Variants in FBXO4 observed in about 807,000 individuals in gnomAD.
The protein encoded by FBXO4 is F-box only protein 4.
A neutral mutation model predicts 43.7 loss-of-function variants in FBXO4; 36 were observed. The observed-to-expected ratio is 0.82, with a 90% CI of 0.63 to 1.09. The LOEUF is 1.09. Among genes scored for constraint, FBXO4 ranks in the 50% least tolerant of loss-of-function variants. The pLI is 0.00. For synonymous variants in FBXO4, 180 were observed against 165.6 expected (o/e 1.09, Z -0.67); for missense variants, 435 against 474.1 (o/e 0.92, Z 0.77).
the FBXO4 span, among the ~76,000 whole-genome samples, chr5:41,992,301 A>AT: frequency 6.6e-6 from 1 of 152,188 alleles, no homozygotes; most frequent in Non-Finnish European, 1.5e-5. Context: ...GTCTTTGTTT[A>AT]TTTGAGGTAC....
the FBXO4 span, among the ~76,000 whole-genome samples, chr5:41,986,114 T>A: frequency 6.6e-6 from 1 of 152,114 alleles, no homozygotes; most frequent in African/African-American, 2.4e-5. Flanking sequence ...AAAAAATAAA[T>A]TTAGAAAGTA....
At chr5:41,985,154 G>A in the FBXO4 span, among the ~76,000 whole-genome samples, 16 of 152,076 alleles carry the variant, frequency 1.1e-4, no homozygotes, top group African/African-American at 2.7e-4. Flanking sequence ...TTTTTCTATC[G>A]TCAAATCAGA....
rs145942085 is a variant in FBXO4, at chr5:41,934,693, C to T, written c.898+385C>T. 30 of 1,067,584 alleles carry T rather than the reference C, an allele frequency of 2.8e-5. No homozygotes were observed. In the East Asian group the frequency reaches 2.1e-3, roughly 76 times the overall value. The allele number at this position is 1,067,584 out of a possible 1,614,324, so 66.1% of individuals were successfully genotyped here. On this transcript the variant is annotated intron_variant, in intron 5 of 6. Coordinates refer to ENST00000281623, the MANE Select transcript of FBXO4 (RefSeq NM_012176.3). ...TTTGATACTGACATTTTGTCTGCTT[C>T]TGGCTTTATTCAAATAATCTATGCA...
chr5:41,988,464 A>G, the FBXO4 span, among the ~76,000 whole-genome samples: 1 of 152,262 alleles, frequency 6.6e-6, no homozygotes, highest in South Asian at 2.1e-4. Flanking sequence ...TCACTGTGAG[A>G]ACATGGTAGA....
downstream of FBXO4, among the ~76,000 whole-genome samples, chr5:41,945,828 G>A (rs1388711590): frequency 6.6e-6 from 1 of 152,100 alleles, no homozygotes; most frequent in African/African-American, 2.4e-5. Flanking sequence ...CACAACCTAT[G>A]GATTGTTTGT....
At chr5:41,934,739 T>C (rs1751805970) in intron 5 of FBXO4, 2 of 1,025,652 alleles carry the variant, frequency 1.9e-6, no homozygotes, top group African/African-American at 3.4e-5. Flanking sequence ...AAAAATTTTA[T>C]CTTTGTTTTA....
the FBXO4 span, among the ~76,000 whole-genome samples, chr5:42,008,138 A>C: frequency 6.6e-6 from 1 of 152,200 alleles, no homozygotes; most frequent in Non-Finnish European, 1.5e-5. Context: ...ACTGGGTAAC[A>C]TGCCAATAAT....
chr5:41,957,831 C>T, the FBXO4 span, among the ~76,000 whole-genome samples: 1 of 151,924 alleles, frequency 6.6e-6, no homozygotes, highest in Non-Finnish European at 1.5e-5. Flanking sequence ...TATAATAGAA[C>T]AATACACTGA....
At chr5:42,030,197 C>G in the FBXO4 span, among the ~76,000 whole-genome samples, 1 of 152,134 alleles carries the variant, frequency 6.6e-6, no homozygotes, top group East Asian at 1.9e-4. Flanking sequence ...TGCTACCTGA[C>G]TTCAAACTAT....
intron 5 of FBXO4, 80 bp from the exon 6 acceptor site, chr5:41,939,361 G>A (rs540032463): frequency 1.7e-5 from 22 of 1,319,184 alleles, no homozygotes; most frequent in African/African-American, 1.0e-4. Flanking sequence ...TTGTTCCCTC[G>A]CTTTGTTAGT....
chr5:42,000,014 C>T, the FBXO4 span, among the ~76,000 whole-genome samples: 1,677 of 152,202 alleles, frequency 0.011, 28 homozygotes, highest in African/African-American at 0.033. Context: ...CATCATTATA[C>T]TCTCTGCTTT....
the FBXO4 span, among the ~76,000 whole-genome samples, chr5:42,033,582 C>T: frequency 6.0e-4 from 92 of 152,178 alleles, 1 homozygote; most frequent in Non-Finnish European, 3.2e-4. Context: ...TTGTGTTGTT[C>T]CCCTTCCTGT....
chr5:41,955,810 A>C, the FBXO4 span, among the ~76,000 whole-genome samples: 2 of 152,152 alleles, frequency 1.3e-5, no homozygotes, highest in Non-Finnish European at 2.9e-5. Flanking sequence ...AAAGGAAATA[A>C]TACCTGGGGC....
the FBXO4 span, among the ~76,000 whole-genome samples, chr5:42,026,761 T>A: frequency 4.0e-5 from 6 of 151,872 alleles, no homozygotes; most frequent in Non-Finnish European, 7.4e-5. Flanking sequence ...TATAAAAGGA[T>A]GTTGAATTGT....
chr5:41,948,407 T>C, the FBXO4 span, among the ~76,000 whole-genome samples: 1 of 152,170 alleles, frequency 6.6e-6, no homozygotes, highest in Non-Finnish European at 1.5e-5. Context: ...AGTACTGGGA[T>C]TACAGGTGTG....
chr5:42,031,591 C>A, the FBXO4 span, among the ~76,000 whole-genome samples: 1 of 151,530 alleles, frequency 6.6e-6, no homozygotes, highest in Non-Finnish European at 1.5e-5. Context: ...CACATGTACC[C>A]TAAAACTTAA....
chr5:42,024,470 T>A, the FBXO4 span, among the ~76,000 whole-genome samples: 1 of 152,012 alleles, frequency 6.6e-6, no homozygotes, highest in Non-Finnish European at 1.5e-5. Flanking sequence ...GTACATGAGA[T>A]GTTTTGATAC....
the FBXO4 span, among the ~76,000 whole-genome samples, chr5:41,959,107 T>C: frequency 6.6e-6 from 1 of 152,220 alleles, no homozygotes; most frequent in Non-Finnish European, 1.5e-5. Flanking sequence ...TGTGAGATGA[T>C]CTCTCACTGT....
At chr5:41,954,859 T>C in the FBXO4 span, among the ~76,000 whole-genome samples, 1 of 152,198 alleles carries the variant, frequency 6.6e-6, no homozygotes, top group Non-Finnish European at 1.5e-5. Context: ...ACACTAAATA[T>C]GAAACTGATA....
Sources: gnomAD v4.1 joint callset for allele counts (sites outside exome capture counted in the v4.1 genomes callset) on GRCh38, gnomAD v4.1.1 for gene constraint, MANE v1.5 for transcripts, NCBI Gene and HGNC (gene_info 2026-07-23, HGNC 2026-07-21) for gene names.